KCNK10: variants seen among roughly 807,000 people sequenced by gnomAD.
KCNK10 encodes the protein potassium two pore domain channel subfamily K member 10, also known as potassium channel subfamily K member 10.
KCNK10 carries 25 observed loss-of-function variants against 47.7 expected under a neutral mutation model. The ratio of observed to expected loss-of-function variants is 0.52; its 90% CI spans 0.38 to 0.73. The LOEUF (loss-of-function observed/expected upper bound fraction) is 0.73, where lower values mean the gene tolerates loss of function less well. Among genes scored for constraint, KCNK10 ranks in the 30% least tolerant of loss-of-function variants. KCNK10 has a pLI of 0.00. For synonymous variants in KCNK10, 303 were observed against 285.6 expected, an observed-to-expected ratio of 1.06 and a Z score of -0.61; for missense variants, 563 against 714.5, an observed-to-expected ratio of 0.79 and a Z score of 2.42.
intron 1 of KCNK10, among the ~76,000 whole-genome samples, chr14:88,266,519 T>A (rs1887262119): frequency 6.6e-6 from 1 of 152,244 alleles, no homozygotes; most frequent in Non-Finnish European, 1.5e-5. Context: ...GTTCATCTTT[T>A]AATCATTGGA....
At position 88,260,980 on chromosome 14, in the gene KCNK10, A is replaced by G. The variant is rs560068637; in HGVS notation, c.402+2222T>C. ...TTCATTCAGGTCTCTGAGCTCTCTC[A>G]TAAAGATGAGGGTTAAAGAATGGGC... is the stretch of plus-strand genomic sequence containing the variant. On this transcript the variant is annotated intron_variant, in intron 2 of 6. Transcript: ENST00000319231. The surrounding 1 kb of genome is among the most constrained non-coding windows in gnomAD (Gnocchi z 4.5). 2.6e-5 allele frequency among the ~76,000 whole-genome samples: 4 copies of G among 152,342 alleles called. No individual in the cohort carries two copies. In the South Asian group the frequency reaches 8.3e-4, roughly 32 times the overall value.
intron 4 of KCNK10, among the ~76,000 whole-genome samples, chr14:88,197,883 AG>A (rs2139834769): frequency 6.6e-6 from 1 of 151,512 alleles, no homozygotes; most frequent in Non-Finnish European, 1.5e-5. Flanking sequence ...AGAGAGAGAG[AG>A]AGAGAGAGAG....
chr14:88,305,834 A>C (rs990680449), intron 1 of KCNK10, among the ~76,000 whole-genome samples: 1 of 152,224 alleles, frequency 6.6e-6, no homozygotes, highest in Non-Finnish European at 1.5e-5. Flanking sequence ...GCTGTCGCCC[A>C]GTGGAATTTT....
intron 1 of KCNK10, chr14:88,271,012 G>A (rs1253314143): frequency 5.0e-6 from 3 of 595,094 alleles, no homozygotes; most frequent in Non-Finnish European, 9.0e-6. Context: ...AAACCCAGCA[G>A]CACCCAGACC....
chr14:88,235,987 G>A (rs1455494518), intron 3 of KCNK10, among the ~76,000 whole-genome samples: 2 of 152,160 alleles, frequency 1.3e-5, no homozygotes, highest in African/African-American at 2.4e-5. Context: ...TAAAAACTGG[G>A]AAACAGAAGA....
upstream of KCNK10, among the ~76,000 whole-genome samples, chr14:88,324,246 C>G (rs997639947): frequency 1.3e-5 from 2 of 152,222 alleles, no homozygotes; most frequent in African/African-American, 4.8e-5. Context: ...TCTCACTGCC[C>G]CTGCTTGAAG....
intron 4 of KCNK10, among the ~76,000 whole-genome samples, chr14:88,213,621 C>T (rs1885527834): frequency 6.6e-6 from 1 of 152,012 alleles, no homozygotes; most frequent in South Asian, 2.1e-4. Flanking sequence ...CTTAATGAAA[C>T]CCCTGGGATT....
intron 1 of KCNK10, among the ~76,000 whole-genome samples, chr14:88,276,318 C>T (rs1258770756): frequency 2.0e-5 from 3 of 151,336 alleles, no homozygotes; most frequent in African/African-American, 4.9e-5. Flanking sequence ...AGGAAGACAG[C>T]TGTCTGTCAA....
chr14:88,294,801 A>G (rs1250324531), intron 1 of KCNK10, among the ~76,000 whole-genome samples: 1 of 152,130 alleles, frequency 6.6e-6, no homozygotes, highest in Non-Finnish European at 1.5e-5. Context: ...TTAATATGCT[A>G]CTTCAAGGGC....
intron 1 of KCNK10, among the ~76,000 whole-genome samples, chr14:88,310,951 T>C (rs534172081): frequency 1.5e-4 from 23 of 152,288 alleles, no homozygotes; most frequent in African/African-American, 3.6e-4. Flanking sequence ...ACTCTAGATA[T>C]GCAAATTATC....
intron 1 of KCNK10, 141 bp from the exon 2 acceptor site, chr14:88,263,692 G>T: frequency 1.3e-6 from 1 of 756,250 alleles, no homozygotes. Flanking sequence ...CAAGCCTGCA[G>T]TTAGGGAATT....
rs147117997 is a variant in KCNK10, at chr14:88,245,537, G to A, written c.403-4717C>T. On this transcript the variant is annotated intron_variant, in intron 2 of 6. Coordinates refer to ENST00000319231, the MANE Select transcript of KCNK10 (RefSeq NM_138317.3). Reference sequence around the variant, plus strand: ...GCTACATGAATCACTGCTCCAGACAGCGTGCGATACCATCATGAGCGTTAG... The same window carrying A: ...GCTACATGAATCACTGCTCCAGACAACGTGCGATACCATCATGAGCGTTAG... Among the ~76,000 whole-genome samples the A allele has an allele frequency of 1.0e-3, 153 of 152,306 alleles. 2 individuals are homozygous for A. The highest frequency in any genetic ancestry group is 3.4e-3 in the African/African-American group (142 of 41,566).
chr14:88,205,606 G>T (rs375548613), intron 4 of KCNK10, among the ~76,000 whole-genome samples: 1 of 144,516 alleles, frequency 6.9e-6, no homozygotes, highest in Non-Finnish European at 1.5e-5. Context: ...GTGCAATGGC[G>T]TGACCTCGGC....
At chr14:88,242,655 C>T (rs1886515005) in intron 2 of KCNK10, among the ~76,000 whole-genome samples, 1 of 152,176 alleles carries the variant, frequency 6.6e-6, no homozygotes, top group Non-Finnish European at 1.5e-5. Context: ...ATAAATCAGC[C>T]TAATTGACAG....
rs528558723 is a variant in KCNK10 at position 88,217,029 on chromosome 14, C to T, written c.681+10346G>A. Among the ~76,000 whole-genome samples the T allele has an allele frequency of 9.9e-5, 15 of 152,216 alleles. No individual in the cohort carries two copies. In the East Asian group the frequency reaches 2.7e-3, roughly 27 times the overall value. On this transcript the variant is annotated intron_variant, in intron 4 of 6. Transcript: ENST00000319231. ...AAAATTAGCCAGGCATGGTGGCACG[C>T]GCCTGTAGCCGCAGCTACTCAGGAG... is the stretch of plus-strand genomic sequence containing the variant.
In KCNK10 at chr14:88,217,495, C is replaced by A. The variant is rs1335174133; in HGVS notation, c.681+9880G>T. ...TGAACCTACAATGCTGAAAATAATA[C>A]CCAGTTTCCAAAACAGGGATTTTGA... On this transcript the variant is annotated intron_variant, in intron 4 of 6. Transcript: ENST00000319231. Among the ~76,000 whole-genome samples the A allele has an allele frequency of 3.3e-5, 5 of 152,216 alleles. No homozygotes were observed. In the East Asian group the frequency reaches 9.6e-4, roughly 29 times the overall value.
At chr14:88,236,792 T>A (rs1023166001) in intron 3 of KCNK10, among the ~76,000 whole-genome samples, 1 of 152,220 alleles carries the variant, frequency 6.6e-6, no homozygotes, top group East Asian at 1.9e-4. Flanking sequence ...ACTCCTTAAC[T>A]TGAAAATACT....
At chr14:88,220,273 C>T (rs1326586386) in intron 4 of KCNK10, among the ~76,000 whole-genome samples, 1 of 150,326 alleles carries the variant, frequency 6.7e-6, no homozygotes, top group Non-Finnish European at 1.5e-5. Flanking sequence ...AAAAATTAGC[C>T]GGGCGTAGTG....
At chr14:88,228,048 C>T (rs1886041625) in intron 3 of KCNK10, among the ~76,000 whole-genome samples, 1 of 152,128 alleles carries the variant, frequency 6.6e-6, no homozygotes, top group African/African-American at 2.4e-5. Flanking sequence ...ATTGTACAGC[C>T]TTACCCTGGG....
Sources: gnomAD v4.1 joint callset for allele counts (sites outside exome capture counted in the v4.1 genomes callset) on GRCh38, gnomAD v4.1.1 for gene constraint, Gnocchi (gnomAD v3.1) non-coding constraint, MANE v1.5 for transcripts, NCBI Gene and HGNC (gene_info 2026-07-23, HGNC 2026-07-21) for gene names.